CLPSL1: variants seen among roughly 807,000 people sequenced by gnomAD.
CLPSL1 encodes the protein colipase like 1.
Under a neutral mutation model 9.3 loss-of-function variants are expected in CLPSL1, and 13 were observed. That is an observed-to-expected ratio of 1.40 (90% CI 0.91 to 2.22). The LOEUF (loss-of-function observed/expected upper bound fraction) is 2.22, where lower values mean the gene tolerates loss of function less well. CLPSL1 is among the 30% of genes most tolerant of loss of function. CLPSL1 has a pLI of 0.00. For missense variants in CLPSL1, 164 were observed against 146.6 expected (o/e 1.12, Z -0.61); for synonymous variants, 58 against 56.9 (o/e 1.02, Z -0.08).
downstream of CLPSL1, among the ~76,000 whole-genome samples, chr6:35,790,918 C>G (rs1400313646): frequency 6.6e-6 from 1 of 151,726 alleles, no homozygotes; most frequent in Non-Finnish European, 1.5e-5. Context: ...GTGGCACGCA[C>G]GTGTAGTCCT....
intron 1 of CLPSL1, among the ~76,000 whole-genome samples, chr6:35,784,599 C>T (rs1048535885): frequency 5.3e-5 from 8 of 152,098 alleles, no homozygotes; most frequent in Non-Finnish European, 1.0e-4. Flanking sequence ...GATTAAAATT[C>T]AACAAAATTT....
chr6:35,791,913 C>CAAATAAATAAATAAATAAAT (rs58568700), downstream of CLPSL1, among the ~76,000 whole-genome samples: 47 of 149,504 alleles, frequency 3.1e-4, no homozygotes, highest in East Asian at 5.5e-3. Flanking sequence ...ACTAAAAATA[C>CAAATAAATAAATAAATAAAT]AAATAAATAA....
chr6:35,788,928 G>T (rs1768141386), downstream of CLPSL1, among the ~76,000 whole-genome samples: 1 of 152,254 alleles, frequency 6.6e-6, no homozygotes, highest in African/African-American at 2.4e-5. Context: ...TCCACATTCA[G>T]CCACCAGAAC....
chr6:35,782,936 T>C (rs1767994048), intron 1 of CLPSL1, among the ~76,000 whole-genome samples: 1 of 152,106 alleles, frequency 6.6e-6, no homozygotes, highest in Non-Finnish European at 1.5e-5. Context: ...TATACATATA[T>C]AATATAAATA....
chr6:35,788,914 A>C (rs1292659563), downstream of CLPSL1, among the ~76,000 whole-genome samples: 1 of 152,268 alleles, frequency 6.6e-6, no homozygotes, highest in Non-Finnish European at 1.5e-5. Context: ...TTTGGACCTA[A>C]ATTTCCACAT....
At chr6:35,793,858 G>T (rs1420222753), downstream of CLPSL1, among the ~76,000 whole-genome samples, 1 of 152,256 alleles carries the variant, frequency 6.6e-6, no homozygotes, top group East Asian at 1.9e-4. Flanking sequence ...CCACCGAGGG[G>T]TCAGTGAGCT....
chr6:35,789,453 A>G (rs1768148181), downstream of CLPSL1, among the ~76,000 whole-genome samples: 1 of 152,280 alleles, frequency 6.6e-6, no homozygotes, highest in South Asian at 2.1e-4. Context: ...TGGATTAAAG[A>G]CCTAAATATA....
rs1432903780 is a variant in CLPSL1, at chr6:35,787,053, G to T, written c.155G>T (p.Arg52Leu). Residue 52 changes from arginine to leucine, a missense_variant, in exon 2 of 3, where the codon CGT becomes CTT. Arg to Leu is a moderately radical substitution (Grantham distance 102). Coordinates refer to ENST00000373861, the MANE Select transcript of CLPSL1 (RefSeq NM_001010886.5). ...GACTGCGAGACTGGCTGCTGCCAAC[G>T]TGCTCCAGACAATTGCGAGTCGCAC... ...NQDCETGCCQ[R>L]APDNCESHCA... 9 of 1,602,694 alleles carry T rather than the reference G, an allele frequency of 5.6e-6. No individual in the cohort carries two copies. In the South Asian group the frequency reaches 7.9e-5, roughly 14 times the overall value.
chr6:35,790,527 A>T (rs1186522810), downstream of CLPSL1, among the ~76,000 whole-genome samples: 1 of 152,274 alleles, frequency 6.6e-6, no homozygotes, highest in Non-Finnish European at 1.5e-5. Context: ...TTCATGGAAG[A>T]GTGTGACTCT....
chr6:35,786,957 G>A (rs1354878678), intron 1 of CLPSL1, 41 bp from the exon 2 acceptor site: 4 of 1,550,348 alleles, frequency 2.6e-6, no homozygotes, highest in Non-Finnish European at 3.5e-6. Flanking sequence ...AGGGCGGAAG[G>A]CGGGCGGTGG....
chr6:35,783,799 C>CT (rs1288487777), intron 1 of CLPSL1, among the ~76,000 whole-genome samples: 2 of 137,206 alleles, frequency 1.5e-5, no homozygotes, highest in Non-Finnish European at 3.0e-5. Context: ...CGGCGAGACT[C>CT]TATCTCCAAA....
chr6:35,792,217 T>A (rs1344376405), downstream of CLPSL1, among the ~76,000 whole-genome samples: 1 of 152,136 alleles, frequency 6.6e-6, no homozygotes, highest in Non-Finnish European at 1.5e-5. Context: ...AAGGCTGTAG[T>A]GAGCCATGAT....
At chr6:35,789,224 A>G (rs1185721692), downstream of CLPSL1, among the ~76,000 whole-genome samples, 1 of 152,270 alleles carries the variant, frequency 6.6e-6, no homozygotes, top group Non-Finnish European at 1.5e-5. Context: ...AGAAGTTCCC[A>G]AGGATACCCA....
downstream of CLPSL1, among the ~76,000 whole-genome samples, chr6:35,790,151 G>T (rs994442928): frequency 6.6e-6 from 1 of 152,178 alleles, no homozygotes; most frequent in Non-Finnish European, 1.5e-5. Flanking sequence ...GCCCAGGCTG[G>T]TCTCAAACTC....
chr6:35,782,302 T>C (rs1245310196), intron 1 of CLPSL1, among the ~76,000 whole-genome samples: 1 of 152,054 alleles, frequency 6.6e-6, no homozygotes, highest in Admixed American at 6.6e-5. Flanking sequence ...GAGAGATAAA[T>C]GGAACACAGT....
At position 35,787,021 on chromosome 6, in the gene CLPSL1, G is replaced by C; in HGVS notation, c.123G>C (p.Arg41=). ...NLLELKESCI[R]NQDCETGCCQ... is the part of the protein sequence containing the mutation. Reference sequence around the variant, plus strand: ...AGGAGCTCAAGGAGTCTTGCATCCGGAACCAGGACTGCGAGACTGGCTGCT... The same window carrying C: ...AGGAGCTCAAGGAGTCTTGCATCCGCAACCAGGACTGCGAGACTGGCTGCT... The change falls in exon 2 of 3, where the codon CGG becomes CGC. Residue 41 remains arginine (R), a synonymous_variant. Coordinates refer to ENST00000373861, the MANE Select transcript of CLPSL1 (RefSeq NM_001010886.5). The C allele has an allele frequency of 6.3e-7, 1 of 1,588,664 alleles. No homozygotes were observed.
chr6:35,787,402 C>T (rs1279128485), intron 2 of CLPSL1, among the ~76,000 whole-genome samples: 5 of 152,240 alleles, frequency 3.3e-5, no homozygotes, highest in Non-Finnish European at 7.3e-5. Flanking sequence ...CAGCAAATTC[C>T]GAAAGTAGTA....
At chr6:35,783,055 T>C (rs908483085) in intron 1 of CLPSL1, among the ~76,000 whole-genome samples, 3 of 152,148 alleles carry the variant, frequency 2.0e-5, no homozygotes, top group East Asian at 3.8e-4. Context: ...GCAGACCCCC[T>C]CATCACTACC....
downstream of CLPSL1, among the ~76,000 whole-genome samples, chr6:35,788,577 T>C (rs1291888352): frequency 4.0e-5 from 6 of 151,540 alleles, no homozygotes; most frequent in Admixed American, 4.0e-4. Context: ...TCTCCTGTTA[T>C]CACCTCTGTT....
Sources: gnomAD v4.1 joint callset for allele counts (sites outside exome capture counted in the v4.1 genomes callset) on GRCh38, gnomAD v4.1.1 for gene constraint, MANE v1.5 for transcripts, NCBI Gene and HGNC (gene_info 2026-07-23, HGNC 2026-07-21) for gene names.